The following ATP8A1 variants were observed in gnomAD, a reference collection of about 807,000 sequenced individuals.
ATP8A1 encodes phospholipid-transporting ATPase IA.
Under a neutral mutation model 177.7 loss-of-function variants are expected in ATP8A1, and 90 were observed. The observed-to-expected ratio is 0.51, with a 90% CI of 0.43 to 0.60. The LOEUF (loss-of-function observed/expected upper bound fraction) is 0.60, where lower values mean the gene tolerates loss of function less well. Among genes scored for constraint, ATP8A1 ranks in the 20% least tolerant of loss-of-function variants. ATP8A1 has a pLI of 0.00. For missense variants in ATP8A1, 1,072 were observed against 1,392.8 expected (o/e 0.77, Z 3.67); for synonymous variants, 493 against 485.9 (o/e 1.01, Z -0.19).
At chr4:42,639,692 C>A (rs763719944) in intron 1 of ATP8A1, among the ~76,000 whole-genome samples, 6 of 152,098 alleles carry the variant, frequency 3.9e-5, no homozygotes, top group Non-Finnish European at 8.8e-5. Context: ...TGAGAACCTG[C>A]AAAATAGTTA....
At chr4:42,563,375 T>G (rs1731037129) in intron 15 of ATP8A1, among the ~76,000 whole-genome samples, 1 of 152,208 alleles carries the variant, frequency 6.6e-6, no homozygotes, top group Admixed American at 6.5e-5. Context: ...AATAGGTGAC[T>G]TGGGTGCTGT....
intron 15 of ATP8A1, among the ~76,000 whole-genome samples, chr4:42,560,733 T>A (rs1392832192): frequency 6.6e-6 from 1 of 151,972 alleles, no homozygotes; most frequent in Admixed American, 6.6e-5. Context: ...AACATGCACA[T>A]ACAGGGAATT....
At position 42,524,759 on chromosome 4, in the gene ATP8A1, T is replaced by C; in HGVS notation, c.1807+4A>G. On this transcript the variant is annotated splice_donor_region_variant and intron_variant, in intron 21 of 36. Coordinates refer to ENST00000381668, the MANE Select transcript of ATP8A1 (RefSeq NM_006095.2). The stretch of plus-strand genomic sequence containing the variant: ...ATCATGCTTTATTGCCAAATTACAC[T>C]TACCTTCTGTAGCAAACTGCTCTAA... The C allele has an allele frequency of 6.3e-7, 1 of 1,593,248 alleles. No homozygotes were observed. The highest frequency in any genetic ancestry group is 1.1e-5 in the South Asian group (1 of 89,264).
intron 27 of ATP8A1, among the ~76,000 whole-genome samples, chr4:42,456,594 T>C (rs556288792): frequency 1.0e-3 from 159 of 152,232 alleles, no homozygotes; most frequent in African/African-American, 3.3e-3. Context: ...AAAGTGACAA[T>C]TAGTAAACAA....
chr4:42,557,647 T>G (rs981462857), intron 15 of ATP8A1, among the ~76,000 whole-genome samples: 1 of 152,218 alleles, frequency 6.6e-6, no homozygotes, highest in Non-Finnish European at 1.5e-5. Context: ...AATATTTACA[T>G]GGACATACCC....
chr4:42,593,960 C>T (rs1734461764), intron 6 of ATP8A1, among the ~76,000 whole-genome samples: 1 of 151,764 alleles, frequency 6.6e-6, no homozygotes, highest in Admixed American at 6.6e-5. Flanking sequence ...TAAAAAATAT[C>T]AATAGAACCC....
rs531849775 is a variant in ATP8A1, at chr4:42,522,175, A to G, written c.1932T>C (p.Tyr644=). The stretch of plus-strand genomic sequence containing the variant: ...ATCCACGTACCTTTTCAATCAACTC[A>G]TAACTCTCTTCGAGTTTGAGTAGCC... ...QNRLLKLEES[Y]ELIEKNLQLL... is the part of the protein sequence containing the mutation. The change falls in exon 22 of 37, where the codon TAT becomes TAC. Residue 644 remains tyrosine (Y), a synonymous_variant. Transcript: ENST00000381668. 134 of 1,611,334 alleles carry G rather than the reference A, an allele frequency of 8.3e-5. 2 individuals are homozygous for G. In the South Asian group the frequency reaches 1.3e-3, roughly 16 times the overall value.
At chr4:42,477,092 T>A (rs1034618137) in intron 25 of ATP8A1, among the ~76,000 whole-genome samples, 1 of 152,224 alleles carries the variant, frequency 6.6e-6, no homozygotes, top group Non-Finnish European at 1.5e-5. Context: ...AAGGCTGGGA[T>A]TATTTTTTTC....
chr4:42,613,326 A>G (rs773489239), intron 5 of ATP8A1, among the ~76,000 whole-genome samples: 4 of 144,548 alleles, frequency 2.8e-5, no homozygotes, highest in Non-Finnish European at 6.3e-5. Context: ...TAAGATCTGA[A>G]AGAAAGTACA....
intron 6 of ATP8A1, among the ~76,000 whole-genome samples, chr4:42,598,532 T>C (rs2109392365): frequency 6.6e-6 from 1 of 152,260 alleles, no homozygotes; most frequent in South Asian, 2.1e-4. Context: ...GATGAAAAAT[T>C]TAGTCAATTC....
chr4:42,408,662 A>G lies in ATP8A1; in HGVS notation c.*4254T>C, dbSNP rs1236739203. 1 of 152,214 alleles carries G rather than the reference A, an allele frequency of 6.6e-6. No individual in the cohort carries two copies. The highest frequency in any genetic ancestry group is 1.5e-5 in the Non-Finnish European group (1 of 68,024). The allele number at this position is 152,214 out of a possible 1,614,324, so 9.4% of individuals were successfully genotyped here. On this transcript the variant is annotated 3_prime_UTR_variant, in exon 37 of 37. Transcript: ENST00000381668. The stretch of plus-strand genomic sequence containing the variant: ...GGTTTTTCAGGGAGCTGAAAATACT[A>G]CTTTATCTTTAACGCAAAACTGCAG...
chr4:42,635,780 C>CATATATAT (rs1317800276), intron 1 of ATP8A1, among the ~76,000 whole-genome samples: 1,010 of 43,116 alleles, frequency 0.023, 16 homozygotes, highest in Non-Finnish European at 0.031. Flanking sequence ...CACACACACA[C>CATATATAT]ACATATATAT....
At chr4:42,627,506 A>G (rs1372005129) in intron 1 of ATP8A1, among the ~76,000 whole-genome samples, 2 of 152,246 alleles carry the variant, frequency 1.3e-5, no homozygotes, top group African/African-American at 2.4e-5. Context: ...TGCATTTAAT[A>G]CTTTTCTGGG....
chr4:42,622,103 T>C (rs1313826794), intron 4 of ATP8A1, among the ~76,000 whole-genome samples: 1 of 151,932 alleles, frequency 6.6e-6, no homozygotes, highest in African/African-American at 2.4e-5. Flanking sequence ...AGGCTGGGCA[T>C]GGTGGCTCAC....
At chr4:42,496,730 A>G (rs534444013) in intron 24 of ATP8A1, among the ~76,000 whole-genome samples, 1 of 152,302 alleles carries the variant, frequency 6.6e-6, no homozygotes, top group Admixed American at 6.5e-5. Flanking sequence ...CCATTATTTT[A>G]TATAGATATA....
chr4:42,569,915 A>G (rs1731741625), intron 14 of ATP8A1, among the ~76,000 whole-genome samples: 1 of 151,464 alleles, frequency 6.6e-6, no homozygotes, highest in African/African-American at 2.5e-5. Context: ...ATTCAATTGG[A>G]AGGGGCCCAT....
chr4:42,466,979 T>G (rs967273478), intron 25 of ATP8A1, among the ~76,000 whole-genome samples: 1 of 152,202 alleles, frequency 6.6e-6, no homozygotes, highest in African/African-American at 2.4e-5. Context: ...CAAATTCTCT[T>G]TAATAGTCTA....
At position 42,650,400 on chromosome 4, in the gene ATP8A1, C is replaced by G. The variant is rs575497767; in HGVS notation, c.49+6425G>C. Among the ~76,000 whole-genome samples, 24 of 152,314 alleles carry G rather than the reference C, an allele frequency of 1.6e-4. No individual in the cohort carries two copies. The South Asian group carries it at 4.6e-3, about 29-fold the overall frequency. ...CATCTCCATGTTTCCTTTGGGACCT[C>G]CTTCATCGACCACAGCCTTTTGTCC... On this transcript the variant is annotated intron_variant, in intron 1 of 36. Coordinates refer to ENST00000381668, the MANE Select transcript of ATP8A1 (RefSeq NM_006095.2).
chr4:42,622,008 T>C (rs1046088729), intron 4 of ATP8A1, among the ~76,000 whole-genome samples: 3 of 152,292 alleles, frequency 2.0e-5, no homozygotes, highest in Admixed American at 2.0e-4. Context: ...TAAATAATGC[T>C]GGAATAACTG....
Sources: gnomAD v4.1 joint callset for allele counts (sites outside exome capture counted in the v4.1 genomes callset) on GRCh38, gnomAD v4.1.1 for gene constraint, MANE v1.5 for transcripts, NCBI Gene and HGNC (gene_info 2026-07-23, HGNC 2026-07-21) for gene names.